PRKD1: variants seen among roughly 807,000 people sequenced by gnomAD.
The protein encoded by PRKD1 is serine/threonine-protein kinase D1.
In PRKD1, 63 loss-of-function variants were observed where a neutral mutation model predicts 95.9. The observed-to-expected ratio is 0.66, with a 90% CI of 0.54 to 0.81. The LOEUF (loss-of-function observed/expected upper bound fraction) is 0.81, where lower values mean the gene tolerates loss of function less well. PRKD1 is among the 30% of genes least tolerant of loss of function. The probability of loss-of-function intolerance (pLI) is 0.00; values close to 1 mark genes in which losing one functional copy is unlikely to be tolerated. For synonymous variants in PRKD1, 425 were observed against 423.1 expected (o/e 1.00, Z -0.05); for missense variants, 1,048 against 1,165.3 (o/e 0.90, Z 1.47).
intron 2 of PRKD1, among the ~76,000 whole-genome samples, chr14:29,668,797 G>T (rs10498308): frequency 0.058 from 8,752 of 152,192 alleles, 741 homozygotes; most frequent in African/African-American, 0.19. Context: ...ATAAACTCTT[G>T]CTGGCTATGA....
intron 14 of PRKD1, 146 bp from the exon 15 acceptor site, chr14:29,599,271 G>A (rs922221762): frequency 5.8e-6 from 4 of 689,544 alleles, no homozygotes; most frequent in Non-Finnish European, 7.2e-6. Context: ...ATTAACATAG[G>A]TTTCTAAAGA....
At chr14:29,793,394 T>C (rs761834272) in intron 1 of PRKD1, among the ~76,000 whole-genome samples, 3 of 152,062 alleles carry the variant, frequency 2.0e-5, no homozygotes, top group Non-Finnish European at 4.4e-5. Flanking sequence ...TTCAGATAAA[T>C]TTGAGATACA....
chr14:29,841,913 C>T (rs184711401), intron 1 of PRKD1, among the ~76,000 whole-genome samples: 119 of 151,914 alleles, frequency 7.8e-4, no homozygotes, highest in African/African-American at 2.6e-3. Flanking sequence ...TTTTTATATA[C>T]TTATTCTATA....
At chr14:29,603,542 A>C (rs760003008) in intron 13 of PRKD1, among the ~76,000 whole-genome samples, 1 of 152,192 alleles carries the variant, frequency 6.6e-6, no homozygotes, top group Non-Finnish European at 1.5e-5. Context: ...CTCCATTTTC[A>C]TGTGTAATTA....
At chr14:29,804,852 T>G (rs902367734) in intron 1 of PRKD1, among the ~76,000 whole-genome samples, 2 of 152,312 alleles carry the variant, frequency 1.3e-5, no homozygotes, top group Non-Finnish European at 1.5e-5. Flanking sequence ...TAAGCCGTAC[T>G]TTTAATCATG....
intron 16 of PRKD1, among the ~76,000 whole-genome samples, chr14:29,593,674 C>A (rs888996175): frequency 6.6e-6 from 1 of 152,074 alleles, no homozygotes; most frequent in Admixed American, 6.6e-5. Flanking sequence ...TGAGAGATGG[C>A]GAAACAATAA....
chr14:29,739,055 T>TA (rs1426082637), intron 1 of PRKD1, among the ~76,000 whole-genome samples: 2 of 152,044 alleles, frequency 1.3e-5, no homozygotes, highest in Admixed American at 1.3e-4. Context: ...AGGCTGATCT[T>TA]AAACTCCTTG....
At chr14:29,718,697 T>C (rs1278309617) in intron 2 of PRKD1, among the ~76,000 whole-genome samples, 4 of 152,200 alleles carry the variant, frequency 2.6e-5, no homozygotes. Context: ...TTTGGCTCCA[T>C]TCAGCCTGTG....
intron 2 of PRKD1, among the ~76,000 whole-genome samples, chr14:29,667,931 G>GTT (rs35990037): frequency 1.1e-4 from 16 of 146,476 alleles, no homozygotes; most frequent in African/African-American, 3.7e-4. Context: ...AGGTAAATTT[G>GTT]TTTTTTTTTT....
chr14:29,677,119 C>A (rs559082649), intron 2 of PRKD1, among the ~76,000 whole-genome samples: 4 of 152,220 alleles, frequency 2.6e-5, no homozygotes, highest in East Asian at 3.9e-4. Context: ...CCGGTATATA[C>A]AACATATTAA....
intron 4 of PRKD1, among the ~76,000 whole-genome samples, chr14:29,659,565 G>A (rs1228465509): frequency 2.0e-5 from 3 of 152,018 alleles, no homozygotes; most frequent in African/African-American, 7.2e-5. Flanking sequence ...AAAGTCGTTT[G>A]GGCCAATATA....
intron 1 of PRKD1, among the ~76,000 whole-genome samples, chr14:29,742,586 C>G (rs760212033): frequency 6.6e-6 from 1 of 152,050 alleles, no homozygotes; most frequent in Admixed American, 6.6e-5. Flanking sequence ...GCAAGTTACA[C>G]TTGACCCCAT....
chr14:29,645,836 A>C (rs1881087873), intron 4 of PRKD1, among the ~76,000 whole-genome samples: 1 of 151,950 alleles, frequency 6.6e-6, no homozygotes, highest in Admixed American at 6.6e-5. Flanking sequence ...AGGCCTCCTC[A>C]CCACCTAACT....
chr14:29,627,153 C>T (rs1426919976), intron 11 of PRKD1, among the ~76,000 whole-genome samples: 1 of 152,190 alleles, frequency 6.6e-6, no homozygotes, highest in East Asian at 1.9e-4. Context: ...ATGTGATTTA[C>T]TATAAGTATT....
chr14:29,607,585 C>T (rs1027486989), intron 13 of PRKD1, among the ~76,000 whole-genome samples: 5 of 152,186 alleles, frequency 3.3e-5, no homozygotes, highest in African/African-American at 9.6e-5. Flanking sequence ...TTGAAGCTAC[C>T]TGAATTCCTC....
At chr14:29,736,539 G>C (rs929762930) in intron 1 of PRKD1, among the ~76,000 whole-genome samples, 13 of 152,194 alleles carry the variant, frequency 8.5e-5, no homozygotes, top group African/African-American at 3.1e-4. Flanking sequence ...GAAAGGCTCA[G>C]AGGCTTGTAA....
intron 1 of PRKD1, among the ~76,000 whole-genome samples, chr14:29,899,900 T>G (rs922175307): frequency 6.6e-6 from 1 of 152,010 alleles, no homozygotes; most frequent in Non-Finnish European, 1.5e-5. Flanking sequence ...ATGGGGGCGG[T>G]TTCCTCCATG....
At chr14:29,815,327 T>C (rs2139254462) in intron 1 of PRKD1, among the ~76,000 whole-genome samples, 1 of 152,322 alleles carries the variant, frequency 6.6e-6, no homozygotes, top group South Asian at 2.1e-4. Context: ...TACTGCAGAG[T>C]CTCATGATTT....
intron 13 of PRKD1, among the ~76,000 whole-genome samples, chr14:29,606,304 C>T (rs1035971267): frequency 6.6e-6 from 1 of 152,172 alleles, no homozygotes; most frequent in Non-Finnish European, 1.5e-5. Flanking sequence ...TGAGCCACCA[C>T]ACCTGGCCAA....
Sources: gnomAD v4.1 joint callset for allele counts (sites outside exome capture counted in the v4.1 genomes callset) on GRCh38, gnomAD v4.1.1 for gene constraint, MANE v1.5 for transcripts, NCBI Gene and HGNC (gene_info 2026-07-23, HGNC 2026-07-21) for gene names.